Variants in STAT1 observed in about 807,000 individuals in gnomAD.
The protein encoded by STAT1 is signal transducer and activator of transcription 1.
A neutral mutation model predicts 111.7 loss-of-function variants in STAT1; 24 were observed. The observed-to-expected ratio is 0.21, with a 90% CI of 0.16 to 0.30. The LOEUF (loss-of-function observed/expected upper bound fraction) is 0.30, where lower values mean the gene tolerates loss of function less well. STAT1 is among the 10% of genes least tolerant of loss of function. STAT1 has a pLI of 1.00. For missense variants in STAT1, 351 were observed against 911.9 expected (o/e 0.38, Z 7.92); for synonymous variants, 332 against 326.5 (o/e 1.02, Z -0.18).
At chr2:190,994,891 GGGT>G (rs1339770918) in intron 10 of STAT1, among the ~76,000 whole-genome samples, 167 bp downstream of exon 10, 1 of 144,064 alleles carries the variant, frequency 6.9e-6, no homozygotes, top group Admixed American at 7.1e-5. Context: ...ACTCTAGCCT[GGGT>G]GATAGGTGAG....
At chr2:190,988,054 A>G (rs1248199435) in intron 12 of STAT1, among the ~76,000 whole-genome samples, 1 of 152,232 alleles carries the variant, frequency 6.6e-6, no homozygotes. Flanking sequence ...TCCTCCGTTT[A>G]GGAAGTAGGA....
In STAT1 at chr2:190,979,222, G is replaced by A. The variant is rs1336543792; in HGVS notation, c.1728-221C>T. On this transcript the variant is annotated intron_variant, in intron 20 of 24. Transcript: ENST00000361099. This position sits in a 1 kb window ranked among gnomAD's most constrained non-coding sequence, Gnocchi z 5.8. ...AAAAAGCGATATGAACATGGTGTCA[G>A]TAGGATGCTACAGATGCTCAATAAC... 1.3e-5 allele frequency among the ~76,000 whole-genome samples: 2 copies of A among 152,360 alleles called. No homozygotes were observed. The highest frequency in any genetic ancestry group is 4.1e-4 in the South Asian group (2 of 4,834).
intron 2 of STAT1, among the ~76,000 whole-genome samples, chr2:191,011,785 G>C (rs1033150828): frequency 4.6e-5 from 7 of 152,088 alleles, no homozygotes; most frequent in Non-Finnish European, 1.0e-4. Flanking sequence ...CCCGTGAAGA[G>C]ATGCCTTCTG....
In STAT1 at chr2:190,989,339, G is replaced by A. The variant is rs200195366; in HGVS notation, c.1097+276C>T. Among the ~76,000 whole-genome samples, 1 of 152,332 alleles carries A rather than the reference G, an allele frequency of 6.6e-6. No individual in the cohort carries two copies. Among genetic ancestry groups the A allele is most frequent in the East Asian group, 1.9e-4 (1 of 5,180 alleles). ...CACAGGAATGTTGATACCAGCTCCA[G>A]GGGAAGCTCCCAACATCCACCAAGG... On this transcript the variant is annotated intron_variant, in intron 12 of 24. Transcript: ENST00000361099. This position sits in a 1 kb window ranked among gnomAD's most constrained non-coding sequence, Gnocchi z 5.0.
rs1263756475 is a variant in STAT1, at chr2:190,984,438, G to A, written c.1264-45C>T. The A allele has an allele frequency of 3.2e-6, 5 of 1,555,158 alleles. No individual in the cohort carries two copies. The highest frequency in any genetic ancestry group is 2.2e-5 in the East Asian group (1 of 44,474). On this transcript the variant is annotated intron_variant, in intron 15 of 24. Transcript: ENST00000361099. The surrounding 1 kb of genome is among the most constrained non-coding windows in gnomAD (Gnocchi z 5.2). Reference sequence around the variant, plus strand: ...GAAGAAAAGAATATAATTATTCACAGATCCTAAAACTTTCAAAAGCCCAAT... The same window carrying A: ...GAAGAAAAGAATATAATTATTCACAAATCCTAAAACTTTCAAAAGCCCAAT...
In STAT1 at chr2:190,999,679, A is replaced by G; in HGVS notation, c.488T>C (p.Leu163Pro). 6.2e-7 allele frequency: 1 copy of G among 1,613,780 alleles called. No homozygotes were observed. Among genetic ancestry groups the G allele is most frequent in the South Asian group, 1.1e-5 (1 of 91,076 alleles). The change falls in exon 7 of 25, where the codon CTG becomes CCG. Residue 163 changes from leucine (L) to proline (P), a missense_variant. Coordinates refer to ENST00000361099, the MANE Select transcript of STAT1 (RefSeq NM_007315.4). This position sits in a 1 kb window ranked among gnomAD's most constrained non-coding sequence, Gnocchi z 4.1. The part of the protein sequence containing the change: ...VMCIEHEIKS[L>P]EDLQDEYDFK... ...GTCATATTCATCTTGTAAATCTTCC[A>G]GGCTCTTGATTTCATGCTCTATACA...
chr2:190,982,355 T>G lies in STAT1; in HGVS notation c.1582+28A>C. Reference sequence around the variant, plus strand: ...ATATTTTTATGAATTTCAATTTTTATAAACATAACAAGTTAATATGCATAT... The same window carrying G: ...ATATTTTTATGAATTTCAATTTTTAGAAACATAACAAGTTAATATGCATAT... On this transcript the variant is annotated intron_variant, in intron 18 of 24. Coordinates refer to ENST00000361099, the MANE Select transcript of STAT1 (RefSeq NM_007315.4). The surrounding 1 kb of genome is among the most constrained non-coding windows in gnomAD (Gnocchi z 7.3). 6.2e-7 allele frequency: 1 copy of G among 1,613,390 alleles called. No homozygotes were observed. Among genetic ancestry groups the G allele is most frequent in the East Asian group, 2.2e-5 (1 of 44,876 alleles).
chr2:190,970,706 T>C lies in STAT1; in HGVS notation c.2250A>G (p.Val750=), dbSNP rs1019423904. Residue 750 remains valine, a synonymous_variant, in exon 25 of 25, where the codon GTA becomes GTG. Transcript: ENST00000361099. This position sits in a 1 kb window ranked among gnomAD's most constrained non-coding sequence, Gnocchi z 5.4. ...SVEFDSMMNT[V] is the part of the protein sequence containing the mutation. Reference sequence around the variant, plus strand: ...GAAGATGAAAAAAATTCATGCTCTATACTGTGTTCATCTGTAAAAAGACAA... The same window carrying C: ...GAAGATGAAAAAAATTCATGCTCTACACTGTGTTCATCTGTAAAAAGACAA... 3 of 1,613,484 alleles carry C rather than the reference T, an allele frequency of 1.9e-6. No homozygotes were observed. The highest frequency in any genetic ancestry group is 1.3e-5 in the African/African-American group (1 of 74,920).
At position 190,978,972 on chromosome 2, in the gene STAT1, C is replaced by A; in HGVS notation, c.1757G>T (p.Arg586Leu). 6.2e-7 allele frequency: 1 copy of A among 1,614,158 alleles called. No homozygotes were observed. Among genetic ancestry groups the A allele is most frequent in the Non-Finnish European group, 8.5e-7 (1 of 1,180,018 alleles). The change falls in exon 21 of 25, where the codon CGA (arginine) becomes CTA (leucine). Residue 586 changes from arginine (R) to leucine (L), a missense_variant. Arg to Leu is a moderately radical substitution (Grantham distance 102). Around this residue, in one of 7 missense-constraint regions of STAT1, gnomAD observed 181 missense variants for 426.1 expected, o/e 0.42. Coordinates refer to ENST00000361099, the MANE Select transcript of STAT1 (RefSeq NM_007315.4). The surrounding 1 kb of genome is among the most constrained non-coding windows in gnomAD (Gnocchi z 6.1). ...GCIMGFISKE[R>L]ERALLKDQQP... is the part of the protein sequence containing the mutation. ...CTGGTCCTTCAACAGGGCACGCTCT[C>A]GCTCCTTGCTGATGAAGCCCATGAT...
In STAT1 at chr2:190,984,438, G is replaced by T. The variant is rs1263756475; in HGVS notation, c.1264-45C>A. 1 of 1,555,158 alleles carries T rather than the reference G, an allele frequency of 6.4e-7. No individual in the cohort carries two copies. Among genetic ancestry groups the T allele is most frequent in the African/African-American group, 1.4e-5 (1 of 73,784 alleles). On this transcript the variant is annotated intron_variant, in intron 15 of 24. Coordinates refer to ENST00000361099, the MANE Select transcript of STAT1 (RefSeq NM_007315.4). The surrounding 1 kb of genome is among the most constrained non-coding windows in gnomAD (Gnocchi z 5.2). Reference sequence around the variant, plus strand: ...GAAGAAAAGAATATAATTATTCACAGATCCTAAAACTTTCAAAAGCCCAAT... The same window carrying T: ...GAAGAAAAGAATATAATTATTCACATATCCTAAAACTTTCAAAAGCCCAAT...
intron 2 of STAT1, among the ~76,000 whole-genome samples, chr2:191,011,031 G>A (rs943581504): frequency 1.4e-4 from 22 of 152,208 alleles, no homozygotes; most frequent in African/African-American, 5.1e-4. Flanking sequence ...TGGGGAAGGA[G>A]TCTGGATTTT....
chr2:190,976,832 C>A lies in STAT1; in HGVS notation c.2059+8G>T. 6.2e-7 allele frequency: 1 copy of A among 1,613,664 alleles called. No homozygotes were observed. Among genetic ancestry groups the A allele is most frequent in the Non-Finnish European group, 8.5e-7 (1 of 1,179,562 alleles). On this transcript the variant is annotated splice_region_variant and intron_variant, in intron 22 of 24. Coordinates refer to ENST00000361099, the MANE Select transcript of STAT1 (RefSeq NM_007315.4). This position sits in a 1 kb window ranked among gnomAD's most constrained non-coding sequence, Gnocchi z 6.0. The stretch of plus-strand genomic sequence containing the variant: ...GCCACGCTGTTACCACCTGCTTGCC[C>A]CACTTACCTTCCTTTGGCCTGGAGT...
chr2:190,976,933 C>A lies in STAT1; in HGVS notation c.1966G>T (p.Ala656Ser). 1 of 1,614,126 alleles carries A rather than the reference C, an allele frequency of 6.2e-7. No homozygotes were observed. Among genetic ancestry groups the A allele is most frequent in the Admixed American group, 1.7e-5 (1 of 60,024 alleles). ...DIIRNYKVMAAENIPENPLKY... is the reference protein window; with the variant it reads ...DIIRNYKVMASENIPENPLKY... ...AGGGGATTCTCAGGAATATTCTCAG[C>A]AGCCATGACTTTGTAATTGCGAATG... Residue 656 changes from alanine (A) to serine (S), a missense_variant, in exon 22 of 25, where the codon GCT becomes TCT. Coordinates refer to ENST00000361099, the MANE Select transcript of STAT1 (RefSeq NM_007315.4). The surrounding 1 kb of genome is among the most constrained non-coding windows in gnomAD (Gnocchi z 6.0).
Position 190,973,639 on chromosome 2 carries a change from T to C in STAT1, c.2238+1191A>G, listed in dbSNP as rs1691670915. ...CATTTTTGTGCCAGGCCTATAGCAG[T>C]GTTGGGAGCGAAACTCTAGCAGGAT... On this transcript the variant is annotated intron_variant, in intron 24 of 24. Transcript: ENST00000361099. This position sits in a 1 kb window ranked among gnomAD's most constrained non-coding sequence, Gnocchi z 4.4. 6.6e-6 allele frequency among the ~76,000 whole-genome samples: 1 copy of C among 152,176 alleles called. No homozygotes were observed. Among genetic ancestry groups the C allele is most frequent in the South Asian group, 2.1e-4 (1 of 4,830 alleles).
At position 190,995,195 on chromosome 2, in the gene STAT1, C is replaced by A. The variant is rs1693755212; in HGVS notation, c.810G>T (p.Leu270=). The A allele has an allele frequency of 1.9e-6, 3 of 1,613,772 alleles. No individual in the cohort carries two copies. In the African/African-American group the frequency reaches 4.0e-5, roughly 22 times the overall value. ...TTTTAAGCTGCTGCCGAACTTGCTG[C>A]AGACTCTCCGCAACTATAGTGAACC... ...QNWFTIVAES[L]QQVRQQLKKL... The change falls in exon 10 of 25, where the codon CTG becomes CTT. Residue 270 remains leucine (L), a synonymous_variant. Transcript: ENST00000361099. This position sits in a 1 kb window ranked among gnomAD's most constrained non-coding sequence, Gnocchi z 4.2.
rs114565411 is a variant in STAT1 at position 190,997,502 on chromosome 2, A to G, written c.785+354T>C. Among the ~76,000 whole-genome samples the G allele has an allele frequency of 3.6e-3, 547 of 152,322 alleles. 4 individuals are homozygous for G. The highest frequency in any genetic ancestry group is 0.012 in the African/African-American group (512 of 41,568). Reference sequence around the variant, plus strand: ...ATGACTGAATGTTTCCTAAAAAACTATTCTGTAAGCCTAGAAAAATGCCTC... The same window carrying G: ...ATGACTGAATGTTTCCTAAAAAACTGTTCTGTAAGCCTAGAAAAATGCCTC... On this transcript the variant is annotated intron_variant, in intron 9 of 24. Coordinates refer to ENST00000361099, the MANE Select transcript of STAT1 (RefSeq NM_007315.4). The surrounding 1 kb of genome is among the most constrained non-coding windows in gnomAD (Gnocchi z 7.3).
Position 190,983,720 on chromosome 2 carries a change from C to T in STAT1, c.1368G>A (p.Val456=), listed in dbSNP as rs1692563528. 6.2e-7 allele frequency: 1 copy of T among 1,614,136 alleles called. No homozygotes were observed. The highest frequency in any genetic ancestry group is 8.5e-7 in the Non-Finnish European group (1 of 1,180,000). The change falls in exon 17 of 25, where the codon GTG becomes GTA. Residue 456 remains valine (V), a synonymous_variant. Coordinates refer to ENST00000361099, the MANE Select transcript of STAT1 (RefSeq NM_007315.4). The surrounding 1 kb of genome is among the most constrained non-coding windows in gnomAD (Gnocchi z 5.7). ...IDLETTSLPV[V]VISNVSQLPS... ...GGAGCTGGCTGACGTTGGAGATCACCACAACGGGCAGAGAGGTCGTCTAAA... is the reference window on the plus strand; with the variant it reads ...GGAGCTGGCTGACGTTGGAGATCACTACAACGGGCAGAGAGGTCGTCTAAA...
chr2:190,997,706 G>A lies in STAT1; in HGVS notation c.785+150C>T. 1.6e-6 allele frequency: 2 copies of A among 1,237,002 alleles called. No homozygotes were observed. The highest frequency in any genetic ancestry group is 2.5e-5 in the East Asian group (1 of 40,634). The allele number at this position is 1,237,002 out of a possible 1,614,324, so 76.6% of individuals were successfully genotyped here. ...GAATAACACTGTGCTTTCCAAGGGA[G>A]TGTTTCCAGGGTAAGCAGAAGCTGG... On this transcript the variant is annotated intron_variant, in intron 9 of 24. Coordinates refer to ENST00000361099, the MANE Select transcript of STAT1 (RefSeq NM_007315.4). This position sits in a 1 kb window ranked among gnomAD's most constrained non-coding sequence, Gnocchi z 7.3.
In STAT1 at chr2:190,986,255, A is replaced by G. The variant is rs1692806767; in HGVS notation, c.1222-595T>C. On this transcript the variant is annotated intron_variant, in intron 14 of 24. Coordinates refer to ENST00000361099, the MANE Select transcript of STAT1 (RefSeq NM_007315.4). This position sits in a 1 kb window ranked among gnomAD's most constrained non-coding sequence, Gnocchi z 5.0. Reference sequence around the variant, plus strand: ...TTAACCTCCTGCAGGTTCTGGGCCCAGGGAAAGCTTCGGACTCAGCACCCA... The same window carrying G: ...TTAACCTCCTGCAGGTTCTGGGCCCGGGGAAAGCTTCGGACTCAGCACCCA... Among the ~76,000 whole-genome samples, 2 of 152,210 alleles carry G rather than the reference A, an allele frequency of 1.3e-5. No individual in the cohort carries two copies. Among genetic ancestry groups the G allele is most frequent in the Non-Finnish European group, 2.9e-5 (2 of 68,026 alleles).
Sources: allele counts gnomAD v4.1 joint callset (sites outside exome capture counted in the v4.1 genomes callset), GRCh38; gene constraint gnomAD v4.1.1; regional missense constraint gnomAD v4.1.1; non-coding constraint Gnocchi (gnomAD v3.1); transcripts MANE v1.5; gene names NCBI Gene and HGNC (gene_info 2026-07-23, HGNC 2026-07-21).